Variants in VTI1A observed in about 807,000 individuals in gnomAD.
The protein encoded by VTI1A is vesicle transport through interaction with t-SNAREs homolog 1A.
Under a neutral mutation model 34.9 loss-of-function variants are expected in VTI1A, and 22 were observed. That is an observed-to-expected ratio of 0.63 (90% CI 0.45 to 0.90). The LOEUF (loss-of-function observed/expected upper bound fraction) is 0.90. Ranked by LOEUF, VTI1A falls within the 40% of genes least tolerant of loss-of-function variation. VTI1A has a pLI of 0.00. For synonymous variants in VTI1A, 87 were observed against 97.3 expected (o/e 0.89, Z 0.62); for missense variants, 268 against 275.6 (o/e 0.97, Z 0.20).
At chr10:112,846,349 G>A in the VTI1A span, among the ~76,000 whole-genome samples, 11 of 152,304 alleles carry the variant, frequency 7.2e-5, no homozygotes, top group East Asian at 1.9e-4. Context: ...CTGGACAGGC[G>A]GGAGATTGGC....
intron 7 of VTI1A, among the ~76,000 whole-genome samples, chr10:112,728,365 G>A (rs1850121771): frequency 6.6e-6 from 1 of 152,158 alleles, no homozygotes; most frequent in Non-Finnish European, 1.5e-5. Flanking sequence ...TAAATTTTGT[G>A]GAAATAACTT....
intron 5 of VTI1A, among the ~76,000 whole-genome samples, chr10:112,540,313 T>A (rs1011568049): frequency 2.6e-5 from 4 of 152,224 alleles, no homozygotes; most frequent in Non-Finnish European, 5.9e-5. Context: ...AACATGGAAA[T>A]GTCAACTTAA....
chr10:112,720,310 T>C (rs1426145583), intron 7 of VTI1A, among the ~76,000 whole-genome samples: 1 of 152,224 alleles, frequency 6.6e-6, no homozygotes, highest in Non-Finnish European at 1.5e-5. Context: ...GGCTGCACTG[T>C]TTCCCAGTCC....
intron 3 of VTI1A, among the ~76,000 whole-genome samples, chr10:112,520,577 GTTA>G (rs1321881977): frequency 6.7e-6 from 1 of 148,970 alleles, no homozygotes; most frequent in African/African-American, 2.5e-5. Flanking sequence ...TGTAAACATA[GTTA>G]TTATTCCATA....
chr10:112,678,190 C>T (rs533958319), intron 7 of VTI1A, among the ~76,000 whole-genome samples: 1 of 152,252 alleles, frequency 6.6e-6, no homozygotes, highest in African/African-American at 2.4e-5. Flanking sequence ...CACAATTTGA[C>T]CTAATTTTTG....
chr10:112,463,503 G>A (rs1411946852), intron 2 of VTI1A, among the ~76,000 whole-genome samples: 1 of 152,132 alleles, frequency 6.6e-6, no homozygotes, highest in Non-Finnish European at 1.5e-5. Context: ...AAGTAGTAGA[G>A]CCTATGATGT....
chr10:112,571,382 A>G (rs981974103), intron 5 of VTI1A, among the ~76,000 whole-genome samples: 3 of 152,224 alleles, frequency 2.0e-5, no homozygotes, highest in African/African-American at 7.2e-5. Context: ...GGATGCCTTA[A>G]AAGAAAAAAC....
chr10:112,546,599 A>G (rs1851139467), intron 5 of VTI1A, among the ~76,000 whole-genome samples: 1 of 152,126 alleles, frequency 6.6e-6, no homozygotes, highest in African/African-American at 2.4e-5. Context: ...CCAGTAACCC[A>G]AAAAGGGACT....
At chr10:112,811,712 A>AAAAAGAT (rs67154330) in intron 7 of VTI1A, among the ~76,000 whole-genome samples, 1,689 of 83,982 alleles carry the variant, frequency 0.02, 573 homozygotes, top group African/African-American at 0.062. Flanking sequence ...AAAAAAAAAA[A>AAAAAGAT]GAGTGCAGTC....
intron 7 of VTI1A, among the ~76,000 whole-genome samples, chr10:112,738,759 T>C (rs890103978): frequency 2.6e-5 from 4 of 152,206 alleles, no homozygotes; most frequent in African/African-American, 9.6e-5. Flanking sequence ...GGCTGTCCTC[T>C]ATTAAGAAGC....
chr10:112,703,628 T>C (rs892911237), intron 7 of VTI1A, among the ~76,000 whole-genome samples: 4 of 152,148 alleles, frequency 2.6e-5, no homozygotes, highest in African/African-American at 9.7e-5. Context: ...CTACAGTATA[T>C]GATTGTAAAT....
intron 5 of VTI1A, among the ~76,000 whole-genome samples, chr10:112,652,280 T>C (rs1035178532): frequency 2.6e-5 from 4 of 152,204 alleles, no homozygotes; most frequent in Non-Finnish European, 5.9e-5. Context: ...GAAAACAGAC[T>C]AGAGCGGTAC....
intron 5 of VTI1A, among the ~76,000 whole-genome samples, chr10:112,619,444 T>C (rs1362091459): frequency 6.6e-6 from 1 of 152,166 alleles, no homozygotes; most frequent in Non-Finnish European, 1.5e-5. Flanking sequence ...TCAAGGATCT[T>C]ACAGTCTCAT....
intron 3 of VTI1A, among the ~76,000 whole-genome samples, chr10:112,485,873 G>A (rs1848608867): frequency 6.6e-6 from 1 of 152,168 alleles, no homozygotes; most frequent in Non-Finnish European, 1.5e-5. Context: ...ATTTGTACTT[G>A]AGAACTTTTT....
chr10:112,819,400 C>T (rs773713503), downstream of VTI1A, among the ~76,000 whole-genome samples: 1 of 152,052 alleles, frequency 6.6e-6, no homozygotes, highest in Non-Finnish European at 1.5e-5. Flanking sequence ...GAGGAACCAC[C>T]GTGAGTCCCT....
At chr10:112,839,201 C>T in the VTI1A span, among the ~76,000 whole-genome samples, 1 of 152,220 alleles carries the variant, frequency 6.6e-6, no homozygotes, top group Non-Finnish European at 1.5e-5. Context: ...TGAGCCCTGG[C>T]AGGGCCAGCC....
At chr10:112,640,376 G>C (rs1263428033) in intron 5 of VTI1A, among the ~76,000 whole-genome samples, 1 of 152,126 alleles carries the variant, frequency 6.6e-6, no homozygotes, top group African/African-American at 2.4e-5. Context: ...AACAATCGCA[G>C]TCAGTTTTTG....
intron 5 of VTI1A, among the ~76,000 whole-genome samples, chr10:112,595,355 AC>A: frequency 6.6e-6 from 1 of 150,886 alleles, no homozygotes; most frequent in South Asian, 2.1e-4. Context: ...AAAAGAAACT[AC>A]CATCAGAGTG....
chr10:112,624,501 C>T (rs1185695554), intron 5 of VTI1A, among the ~76,000 whole-genome samples: 1 of 151,748 alleles, frequency 6.6e-6, no homozygotes, highest in African/African-American at 2.4e-5. Context: ...TATAAGACTC[C>T]TAGGATACCT....
Sources: gnomAD v4.1 joint callset for allele counts (sites outside exome capture counted in the v4.1 genomes callset) on GRCh38, gnomAD v4.1.1 for gene constraint, MANE v1.5 for transcripts, NCBI Gene and HGNC (gene_info 2026-07-23, HGNC 2026-07-21) for gene names.